PIK3C2G: variants seen among roughly 807,000 people sequenced by gnomAD.
The protein encoded by PIK3C2G is phosphatidylinositol-4-phosphate 3-kinase catalytic subunit type 2 gamma.
PIK3C2G carries 168 observed loss-of-function variants against 181.1 expected under a neutral mutation model. That is an observed-to-expected ratio of 0.93 (90% CI 0.82 to 1.05). PIK3C2G has a LOEUF of 1.05. PIK3C2G is among the 50% of genes least tolerant of loss of function. The probability of loss-of-function intolerance (pLI) is 0.00; values close to 1 mark genes in which losing one functional copy is unlikely to be tolerated. For synonymous variants in PIK3C2G, 573 were observed against 592.2 expected, an observed-to-expected ratio of 0.97 and a Z score of 0.47; for missense variants, 1,869 against 1,732.8, an observed-to-expected ratio of 1.08 and a Z score of -1.40.
At chr12:18,290,608 T>G (rs1949648786) in intron 3 of PIK3C2G, among the ~76,000 whole-genome samples, 1 of 152,186 alleles carries the variant, frequency 6.6e-6, no homozygotes, top group Non-Finnish European at 1.5e-5. Flanking sequence ...TTATTTCAAA[T>G]GAGATGCTCC....
chr12:18,596,702 C>T (rs1454165563), intron 30 of PIK3C2G, among the ~76,000 whole-genome samples: 2 of 152,046 alleles, frequency 1.3e-5, no homozygotes, highest in Non-Finnish European at 2.9e-5. Flanking sequence ...ATCATTACCT[C>T]GTATCACTAC....
intron 6 of PIK3C2G, among the ~76,000 whole-genome samples, 175 bp from the exon 7 acceptor site, chr12:18,320,787 A>G (rs1951074519): frequency 6.6e-6 from 1 of 152,256 alleles, no homozygotes; most frequent in Admixed American, 6.5e-5. Context: ...TACTTTTGAA[A>G]AGGCTTATAT....
the PIK3C2G span, among the ~76,000 whole-genome samples, chr12:18,679,290 TA>T: frequency 1.3e-5 from 2 of 152,018 alleles, no homozygotes; most frequent in South Asian, 2.1e-4. Context: ...AAGTTCTTTT[TA>T]AAAAAATTTT....
At chr12:18,682,942 A>G in the PIK3C2G span, among the ~76,000 whole-genome samples, 1 of 151,998 alleles carries the variant, frequency 6.6e-6, no homozygotes, top group Admixed American at 6.6e-5. Flanking sequence ...ATGTATTTCA[A>G]AAGCTTATAA....
chr12:18,713,090 T>G, the PIK3C2G span: 1 of 1,421,278 alleles, frequency 7.0e-7, no homozygotes, highest in Non-Finnish European at 9.7e-7. Flanking sequence ...AATAAATGCA[T>G]AAATGAGTCC....
intron 13 of PIK3C2G, among the ~76,000 whole-genome samples, chr12:18,376,315 A>G (rs1942435256): frequency 6.6e-6 from 1 of 152,168 alleles, no homozygotes. Flanking sequence ...TTAAGATTTA[A>G]TGACTGCCCC....
At chr12:18,723,565 G>A in the PIK3C2G span, 2 of 1,559,522 alleles carry the variant, frequency 1.3e-6, no homozygotes, top group Non-Finnish European at 1.8e-6. Context: ...TGACTGGTGG[G>A]CTCACATTGT....
chr12:18,478,729 A>G (rs1019078376), intron 18 of PIK3C2G, among the ~76,000 whole-genome samples: 1 of 152,098 alleles, frequency 6.6e-6, no homozygotes, highest in Non-Finnish European at 1.5e-5. Flanking sequence ...TGTAATCCCA[A>G]CACTTTGGGA....
chr12:18,275,357 A>G (rs1170249107), intron 1 of PIK3C2G, among the ~76,000 whole-genome samples: 2 of 151,786 alleles, frequency 1.3e-5, no homozygotes, highest in South Asian at 2.1e-4. Flanking sequence ...CTCCTTTTAT[A>G]TTCCACATCT....
At chr12:18,430,831 G>GA (rs1565714628) in intron 18 of PIK3C2G, among the ~76,000 whole-genome samples, 1 of 152,146 alleles carries the variant, frequency 6.6e-6, no homozygotes, top group Admixed American at 6.5e-5. Flanking sequence ...TACCAGTTGA[G>GA]AAAACCACGA....
intron 31 of PIK3C2G, among the ~76,000 whole-genome samples, chr12:18,625,468 G>T (rs550374630): frequency 2.6e-5 from 4 of 151,700 alleles, no homozygotes; most frequent in Admixed American, 6.6e-5. Context: ...AATATTCTGT[G>T]TGTGCTTAAG....
intron 29 of PIK3C2G, among the ~76,000 whole-genome samples, chr12:18,580,383 T>C (rs1946437430): frequency 6.6e-6 from 1 of 152,190 alleles, no homozygotes; most frequent in Admixed American, 6.5e-5. Context: ...GTTATTTTTT[T>C]AAAGCAGAAA....
chr12:18,294,086 G>A, intron 5 of PIK3C2G, 71 bp downstream of exon 5: 1 of 700,788 alleles, frequency 1.4e-6, no homozygotes, highest in South Asian at 1.7e-5. Flanking sequence ...TTATGGTTTT[G>A]TTTTAAACAG....
rs551720396 is a variant in PIK3C2G at position 18,583,842 on chromosome 12, C to T, written c.4012-10652C>T. ...TGTCCTCCAAATGACTGCACTAGTT[C>T]TCCAACAAGGGTTCTTAACTAGGCT... On this transcript the variant is annotated intron_variant, in intron 29 of 32. Coordinates refer to ENST00000538779, the MANE Select transcript of PIK3C2G (RefSeq NM_001288772.2). Among the ~76,000 whole-genome samples, 9 of 151,908 alleles carry T rather than the reference C, an allele frequency of 5.9e-5. No individual in the cohort carries two copies. In the South Asian group the frequency reaches 1.7e-3, roughly 28 times the overall value.
chr12:18,330,897 C>G (rs923313974), intron 8 of PIK3C2G, among the ~76,000 whole-genome samples: 10 of 152,134 alleles, frequency 6.6e-5, no homozygotes, highest in Admixed American at 2.6e-4. Flanking sequence ...AAAGCAGAAG[C>G]TTTTAATCTT....
At chr12:18,604,734 CA>C (rs1390108199) in intron 30 of PIK3C2G, among the ~76,000 whole-genome samples, 7 of 152,084 alleles carry the variant, frequency 4.6e-5, no homozygotes, top group Non-Finnish European at 7.4e-5. Context: ...AAATCAACTC[CA>C]AAAGGAACCT....
chr12:18,243,214 G>GTGTT (rs1190629270), upstream of PIK3C2G, among the ~76,000 whole-genome samples: 2 of 151,772 alleles, frequency 1.3e-5, no homozygotes, highest in African/African-American at 4.8e-5. Context: ...GTGTGTGTGT[G>GTGTT]TGTGTGTGTG....
the PIK3C2G span, among the ~76,000 whole-genome samples, chr12:18,672,020 C>G: frequency 6.6e-6 from 1 of 152,136 alleles, no homozygotes; most frequent in Non-Finnish European, 1.5e-5. Flanking sequence ...AGTCACCCAC[C>G]AAAGGCCCCA....
intron 31 of PIK3C2G, among the ~76,000 whole-genome samples, chr12:18,638,610 C>T (rs963979650): frequency 6.6e-6 from 1 of 152,142 alleles, no homozygotes. Context: ...TCAGGGCACA[C>T]ATAGAAGTTT....
Sources: allele counts gnomAD v4.1 joint callset (sites outside exome capture counted in the v4.1 genomes callset), GRCh38; gene constraint gnomAD v4.1.1; transcripts MANE v1.5; gene names NCBI Gene and HGNC (gene_info 2026-07-23, HGNC 2026-07-21).